Variants in ASAP1 observed in about 807,000 individuals in gnomAD.
ASAP1 encodes the protein arf-GAP with SH3 domain, ANK repeat and PH domain-containing protein 1.
ASAP1 carries 43 observed loss-of-function variants against 145.2 expected under a neutral mutation model. The ratio of observed to expected loss-of-function variants is 0.30; its 90% CI spans 0.23 to 0.38. The LOEUF (loss-of-function observed/expected upper bound fraction) is 0.38. Ranked by LOEUF, ASAP1 falls within the 10% of genes least tolerant of loss-of-function variation. The pLI, the probability that ASAP1 is intolerant of heterozygous loss-of-function variation, is 1.00. For synonymous variants in ASAP1, 546 were observed against 515.5 expected (o/e 1.06, Z -0.80); for missense variants, 1,018 against 1,355.3 (o/e 0.75, Z 3.91).
intron 6 of ASAP1, 100 bp from the exon 7 acceptor site, chr8:130,187,385 G>A (rs1330034820): frequency 2.0e-6 from 2 of 980,800 alleles, no homozygotes; most frequent in Non-Finnish European, 3.1e-6. Context: ...TTCCTTTATA[G>A]GACACTGGGA....
At chr8:130,428,385 G>T (rs529035825) in intron 1 of ASAP1, among the ~76,000 whole-genome samples, 2 of 7,364 alleles carry the variant, frequency 2.7e-4, no homozygotes, top group Non-Finnish European at 6.6e-4. Context: ...TTCTGGGTGA[G>T]TCTTTAGGCC....
chr8:130,182,831 C>CAAAAAAAAAAAAAAAAAAA, intron 7 of ASAP1, among the ~76,000 whole-genome samples: 1 of 73,596 alleles, frequency 1.4e-5, no homozygotes, highest in Non-Finnish European at 2.6e-5. Flanking sequence ...TATAAAAAGG[C>CAAAAAAAAAAAAAAAAAAA]AAAAAAAAAA....
At chr8:130,056,651 G>A (rs2097404893) in intron 29 of ASAP1, among the ~76,000 whole-genome samples, 1 of 152,174 alleles carries the variant, frequency 6.6e-6, no homozygotes, top group Non-Finnish European at 1.5e-5. Flanking sequence ...AAAGTCAAAG[G>A]TGAATGTGTG....
Position 130,052,742 on chromosome 8 carries a change from T to TG in ASAP1, c.*1988_*1989insC, listed in dbSNP as rs1175382744. On this transcript the variant is annotated 3_prime_UTR_variant, in exon 30 of 30. Transcript: ENST00000518721. ...TGTTTTTTTTTTGTTTTTGTTTTTT[T>TG]TTTTTTTTTGAAAAAAACCAGTTTA... 1.1e-4 allele frequency: 17 copies of TG among 150,874 alleles called. No individual in the cohort carries two copies. Among genetic ancestry groups the TG allele is most frequent in the Admixed American group, 9.9e-4 (15 of 15,174 alleles). 9.3% of individuals were successfully genotyped at this position (150,874 alleles called of 1,614,324 possible).
At chr8:130,415,216 C>T (rs1829424789) in intron 1 of ASAP1, among the ~76,000 whole-genome samples, 1 of 152,226 alleles carries the variant, frequency 6.6e-6, no homozygotes, top group South Asian at 2.1e-4. Flanking sequence ...GCCTTTTAAA[C>T]TACAGGGTAA....
intron 3 of ASAP1, among the ~76,000 whole-genome samples, chr8:130,276,860 A>G (rs931331888): frequency 9.9e-5 from 15 of 152,134 alleles, no homozygotes; most frequent in African/African-American, 3.6e-4. Flanking sequence ...ATAAAGGGAC[A>G]AGGAGAGCAG....
intron 3 of ASAP1, among the ~76,000 whole-genome samples, chr8:130,311,301 G>C (rs1027794867): frequency 1.3e-5 from 2 of 152,202 alleles, no homozygotes; most frequent in Non-Finnish European, 2.9e-5. Flanking sequence ...CTAAGAAAAG[G>C]TATCCAAATA....
At chr8:130,141,780 C>CA (rs2097612193) in intron 13 of ASAP1, among the ~76,000 whole-genome samples, 1 of 152,070 alleles carries the variant, frequency 6.6e-6, no homozygotes, top group South Asian at 2.1e-4. Flanking sequence ...TGCAGTGGCA[C>CA]AATCATGGCT....
At chr8:130,152,036 G>A (rs1478105726) in intron 13 of ASAP1, among the ~76,000 whole-genome samples, 1 of 152,192 alleles carries the variant, frequency 6.6e-6, no homozygotes, top group Non-Finnish European at 1.5e-5. Flanking sequence ...TTTCCTCCCT[G>A]ATAGATATCT....
intron 3 of ASAP1, among the ~76,000 whole-genome samples, chr8:130,300,151 CACAGAGAGAGAG>C (rs1478046682): frequency 2.1e-4 from 18 of 84,736 alleles, no homozygotes; most frequent in African/African-American, 7.2e-4. Flanking sequence ...CACACACACA[CACAGAGAGAGAG>C]AGAGAGAGAG....
At chr8:130,100,372 C>T (rs964803769) in intron 24 of ASAP1, among the ~76,000 whole-genome samples, 25 of 151,812 alleles carry the variant, frequency 1.6e-4, no homozygotes, top group Admixed American at 3.9e-4. Flanking sequence ...TCTTGTTGCC[C>T]AGGCTGGAGT....
intron 25 of ASAP1, 55 bp downstream of exon 25, chr8:130,091,918 G>GCC: frequency 6.8e-7 from 1 of 1,467,566 alleles, no homozygotes; most frequent in African/African-American, 1.5e-5. Context: ...GCCCAGTGGA[G>GCC]CCCCACACGC....
At chr8:130,145,066 T>C (rs368977622) in intron 13 of ASAP1, among the ~76,000 whole-genome samples, 7 of 152,254 alleles carry the variant, frequency 4.6e-5, no homozygotes, top group South Asian at 2.1e-4. Context: ...CTGAGGTTAC[T>C]GCACCCAATG....
intron 3 of ASAP1, among the ~76,000 whole-genome samples, chr8:130,280,701 T>C (rs181027181): frequency 3.9e-5 from 6 of 152,356 alleles, no homozygotes; most frequent in Admixed American, 3.9e-4. Context: ...GTCAGAATTA[T>C]CCAGTTACTT....
chr8:130,178,837 C>T (rs1405485097), intron 9 of ASAP1, among the ~76,000 whole-genome samples: 2 of 151,462 alleles, frequency 1.3e-5, no homozygotes, highest in Non-Finnish European at 2.9e-5. Context: ...TAGAGTGAGC[C>T]GAGACTGCAC....
intron 2 of ASAP1, among the ~76,000 whole-genome samples, chr8:130,371,365 C>G (rs920967882): frequency 6.6e-6 from 1 of 152,200 alleles, no homozygotes; most frequent in African/African-American, 2.4e-5. Flanking sequence ...ACTCTCTGTA[C>G]AAATGGTACT....
At position 130,179,254 on chromosome 8, in the gene ASAP1, T is replaced by G. The variant is rs774053134; in HGVS notation, c.746+10A>C. On this transcript the variant is annotated intron_variant, in intron 9 of 29. Coordinates refer to ENST00000518721, the MANE Select transcript of ASAP1 (RefSeq NM_018482.4). ...TGGGCTAATAACAATGCTTGCAATA[T>G]TCTACTCACTTGCACTGTGCATGGT... 1 of 1,557,998 alleles carries G rather than the reference T, an allele frequency of 6.4e-7. No homozygotes were observed. Among genetic ancestry groups the G allele is most frequent in the African/African-American group, 1.4e-5 (1 of 73,714 alleles).
chr8:130,428,663 CCCCA>C (rs1473065254), intron 1 of ASAP1, among the ~76,000 whole-genome samples: 1 of 149,218 alleles, frequency 6.7e-6, no homozygotes, highest in Admixed American at 6.7e-5. Context: ...ATCACCATCC[CCCCA>C]CCATCATCAT....
At chr8:130,091,699 G>A (rs997304165) in intron 25 of ASAP1, among the ~76,000 whole-genome samples, 2 of 152,236 alleles carry the variant, frequency 1.3e-5, no homozygotes, top group Non-Finnish European at 2.9e-5. Context: ...ATATAAACGA[G>A]ACTAATAATA....
Sources: allele counts gnomAD v4.1 joint callset (sites outside exome capture counted in the v4.1 genomes callset), GRCh38; gene constraint gnomAD v4.1.1; transcripts MANE v1.5; gene names NCBI Gene and HGNC (gene_info 2026-07-23, HGNC 2026-07-21).